SCN10A: variants seen among roughly 807,000 people sequenced by gnomAD.
SCN10A encodes sodium channel protein type 10 subunit alpha.
In SCN10A, 162 loss-of-function variants were observed where a neutral mutation model predicts 170.7. The observed-to-expected ratio is 0.95, with a 90% CI of 0.84 to 1.08. SCN10A has a LOEUF of 1.08. Among genes scored for constraint, SCN10A ranks in the 50% least tolerant of loss-of-function variants. SCN10A has a pLI of 0.00. For missense variants in SCN10A, 2,527 were observed against 2,436.9 expected (o/e 1.04, Z -0.78); for synonymous variants, 985 against 904.6 (o/e 1.09, Z -1.59).
chr3:38,760,876 T>C, intron 7 of SCN10A, 129 bp from the exon 8 acceptor site: 1 of 717,568 alleles, frequency 1.4e-6, no homozygotes, highest in Non-Finnish European at 2.4e-6. Flanking sequence ...TCAGTGGGCA[T>C]GCTGGGCCAC....
chr3:38,794,682 A>G (rs2064326835), intron 1 of SCN10A, among the ~76,000 whole-genome samples: 2 of 152,118 alleles, frequency 1.3e-5, no homozygotes, highest in African/African-American at 4.8e-5. Context: ...TCCCAAGGCT[A>G]AGTCAATCTA....
intron 1 of SCN10A, among the ~76,000 whole-genome samples, chr3:38,810,933 A>G (rs566418245): frequency 1.3e-5 from 2 of 152,314 alleles, no homozygotes; most frequent in African/African-American, 4.8e-5. Flanking sequence ...ATTTTTTTCT[A>G]CACATTTTTA....
intron 5 of SCN10A, among the ~76,000 whole-genome samples, chr3:38,770,361 A>G (rs986786230): frequency 6.6e-6 from 1 of 152,146 alleles, no homozygotes; most frequent in African/African-American, 2.4e-5. Flanking sequence ...AGGTAGGGAA[A>G]TACCATCAGG....
chr3:38,726,619 A>G lies in SCN10A; in HGVS notation c.3074T>C (p.Ile1025Thr). 6.3e-7 allele frequency: 1 copy of G among 1,586,762 alleles called. No individual in the cohort carries two copies. Among genetic ancestry groups the G allele is most frequent in the Non-Finnish European group, 8.6e-7 (1 of 1,160,882 alleles). ...EDAQSFQQEV[I>T]PKGQQEQLQQ... The stretch of plus-strand genomic sequence containing the variant: ...GATAACTCTTACCTGTCCTTTGGGG[A>G]TCACTTCCTGCTGGAAGCTCTGAGC... The change falls in exon 17 of 28, where the codon ATC (isoleucine) becomes ACC (threonine). Residue 1025 changes from isoleucine (I) to threonine (T), a missense_variant. Coordinates refer to ENST00000449082, the MANE Select transcript of SCN10A (RefSeq NM_006514.4).
chr3:38,769,935 A>G (rs189753266), intron 5 of SCN10A, among the ~76,000 whole-genome samples: 5 of 152,306 alleles, frequency 3.3e-5, no homozygotes, highest in African/African-American at 4.8e-5. Flanking sequence ...CCAGCCATGG[A>G]TATCAGCATC....
chr3:38,810,193 C>T (rs1277709046), intron 1 of SCN10A, among the ~76,000 whole-genome samples: 1 of 152,154 alleles, frequency 6.6e-6, no homozygotes, highest in African/African-American at 2.4e-5. Flanking sequence ...ACAATAATCC[C>T]CCTTTTTTCT....
chr3:38,720,832 G>C (rs779155954), intron 20 of SCN10A, among the ~76,000 whole-genome samples: 4 of 152,212 alleles, frequency 2.6e-5, no homozygotes, highest in Admixed American at 2.0e-4. Context: ...AACAGCACAT[G>C]TGGTTATTAC....
chr3:38,749,083 ATCTC>A (rs755880912), intron 13 of SCN10A, among the ~76,000 whole-genome samples: 66 of 152,336 alleles, frequency 4.3e-4, no homozygotes, highest in Non-Finnish European at 7.1e-4. Flanking sequence ...GTGCATGTGA[ATCTC>A]TCTCTAAGGC....
At chr3:38,780,450 T>C (rs1387805809) in intron 4 of SCN10A, among the ~76,000 whole-genome samples, 1 of 152,120 alleles carries the variant, frequency 6.6e-6, no homozygotes, top group African/African-American at 2.4e-5. Context: ...TAAAATCCAT[T>C]TATATTTAGT....
At position 38,776,092 on chromosome 3, in the gene SCN10A, CA is replaced by C. The variant is rs546215663; in HGVS notation, c.471-4686del. Among the ~76,000 whole-genome samples the C allele has an allele frequency of 2.0e-4, 30 of 152,106 alleles. 1 individual carries two copies. The highest frequency in any genetic ancestry group is 7.0e-4 in the African/African-American group (29 of 41,554). ...TTGATAGCTTTATATCATTACTTGACAAAAACGTTAGCAGATAATAAATTGG... is the reference window on the plus strand; with the variant it reads ...TTGATAGCTTTATATCATTACTTGACAAAACGTTAGCAGATAATAAATTGG... On this transcript the variant is annotated intron_variant, in intron 4 of 27. Coordinates refer to ENST00000449082, the MANE Select transcript of SCN10A (RefSeq NM_006514.4).
In SCN10A at chr3:38,777,819, A is replaced by C. The variant is rs906666004; in HGVS notation, c.471-6412T>G. Among the ~76,000 whole-genome samples, 3 of 152,148 alleles carry C rather than the reference A, an allele frequency of 2.0e-5. No individual in the cohort carries two copies. The East Asian group carries it at 5.8e-4, about 29-fold the overall frequency. On this transcript the variant is annotated intron_variant, in intron 4 of 27. Transcript: ENST00000449082. ...GAAGCAGTGGTAGGAACCACTTGGG[A>C]AATGATGTATTGAAAAAAATGTTGG...
In SCN10A at chr3:38,718,835, A is replaced by C. The variant is rs1052483879; in HGVS notation, c.3508-9T>G. ...TAATAGTCTTCAAAGGCCTGGAAGG[A>C]AGAAAGGATGCAGAATGGCAGGCTG... On this transcript the variant is annotated splice_polypyrimidine_tract_variant and intron_variant, in intron 20 of 27. Coordinates refer to ENST00000449082, the MANE Select transcript of SCN10A (RefSeq NM_006514.4). 1 of 1,613,390 alleles carries C rather than the reference A, an allele frequency of 6.2e-7. No individual in the cohort carries two copies. The highest frequency in any genetic ancestry group is 1.1e-5 in the South Asian group (1 of 90,966).
At chr3:38,721,210 T>A (rs2063386416) in intron 20 of SCN10A, among the ~76,000 whole-genome samples, 1 of 152,194 alleles carries the variant, frequency 6.6e-6, no homozygotes, top group Non-Finnish European at 1.5e-5. Context: ...GAGGCCTAGA[T>A]ATTTAGTAGG....
At chr3:38,742,080 C>T (rs890176233) in intron 14 of SCN10A, among the ~76,000 whole-genome samples, 2 of 152,194 alleles carry the variant, frequency 1.3e-5, no homozygotes, top group African/African-American at 4.8e-5. Flanking sequence ...CATCCCAAAG[C>T]CATTCCCACC....
intron 5 of SCN10A, among the ~76,000 whole-genome samples, chr3:38,767,814 C>T (rs1468927176): frequency 6.6e-6 from 1 of 151,970 alleles, no homozygotes; most frequent in Non-Finnish European, 1.5e-5. Flanking sequence ...GTCTTGATGA[C>T]CTGTCTAGTG....
At position 38,763,603 on chromosome 3, in the gene SCN10A, G is replaced by C; in HGVS notation, c.600-7C>G. ...TATTGCTGTGCCAACATATCTGTAG[G>C]ACCAGAAGTTAGTCAGCATCTCTGC... On this transcript the variant is annotated splice_region_variant and splice_polypyrimidine_tract_variant and intron_variant, in intron 5 of 27. Coordinates refer to ENST00000449082, the MANE Select transcript of SCN10A (RefSeq NM_006514.4). 6.2e-7 allele frequency: 1 copy of C among 1,610,838 alleles called. No homozygotes were observed. The highest frequency in any genetic ancestry group is 8.5e-7 in the Non-Finnish European group (1 of 1,177,180).
chr3:38,706,234 T>C (rs2063209988), intron 26 of SCN10A, among the ~76,000 whole-genome samples: 1 of 152,246 alleles, frequency 6.6e-6, no homozygotes, highest in East Asian at 1.9e-4. Flanking sequence ...AAGTAAATTA[T>C]GCAAATCCTA....
Position 38,718,831 on chromosome 3 carries a change from A to G in SCN10A, c.3508-5T>C. ...CAGGTAATAGTCTTCAAAGGCCTGGAAGGAAGAAAGGATGCAGAATGGCAG... is the reference window on the plus strand; with the variant it reads ...CAGGTAATAGTCTTCAAAGGCCTGGGAGGAAGAAAGGATGCAGAATGGCAG... On this transcript the variant is annotated splice_polypyrimidine_tract_variant and splice_region_variant and intron_variant, in intron 20 of 27. Coordinates refer to ENST00000449082, the MANE Select transcript of SCN10A (RefSeq NM_006514.4). 1 of 1,613,542 alleles carries G rather than the reference A, an allele frequency of 6.2e-7. No homozygotes were observed.
chr3:38,751,943 G>T (rs565389275), intron 12 of SCN10A, among the ~76,000 whole-genome samples: 1 of 152,244 alleles, frequency 6.6e-6, no homozygotes, highest in African/African-American at 2.4e-5. Flanking sequence ...GTTGAGTGGG[G>T]ACAGAGAAGC....
Sources: gnomAD v4.1 joint callset for allele counts (sites outside exome capture counted in the v4.1 genomes callset) on GRCh38, gnomAD v4.1.1 for gene constraint, MANE v1.5 for transcripts, NCBI Gene and HGNC (gene_info 2026-07-23, HGNC 2026-07-21) for gene names.